FAM81A: variants seen among roughly 807,000 people sequenced by gnomAD.
The protein encoded by FAM81A is family with sequence similarity 81 member A.
In FAM81A, 19 loss-of-function variants were observed where a neutral mutation model predicts 46.7. That is an observed-to-expected ratio of 0.41 (90% CI 0.28 to 0.60). The LOEUF is 0.60. Ranked by LOEUF, FAM81A falls within the 20% of genes least tolerant of loss-of-function variation. FAM81A has a pLI of 0.34. For missense variants in FAM81A, 377 were observed against 453.5 expected (o/e 0.83, Z 1.53); for synonymous variants, 183 against 152.9 (o/e 1.20, Z -1.45).
upstream of FAM81A, among the ~76,000 whole-genome samples, chr15:59,433,430 A>G (rs1003286824): frequency 5.3e-5 from 8 of 152,164 alleles, no homozygotes; most frequent in African/African-American, 1.9e-4. Context: ...TATTAAAAGG[A>G]TCTTCTCAAT....
intron 1 of FAM81A, among the ~76,000 whole-genome samples, chr15:59,441,623 C>G (rs2141585849): frequency 6.6e-6 from 1 of 152,356 alleles, no homozygotes; most frequent in South Asian, 2.1e-4. Context: ...AGGGCTCTGG[C>G]ATAGGTGTCC....
At chr15:59,456,270 G>A (rs1158599824) in intron 1 of FAM81A, among the ~76,000 whole-genome samples, 1 of 152,064 alleles carries the variant, frequency 6.6e-6, no homozygotes, top group African/African-American at 2.4e-5. Flanking sequence ...ATCCAAGGAC[G>A]GTGGTGGATG....
chr15:59,510,036 A>G (rs554044712), intron 6 of FAM81A, among the ~76,000 whole-genome samples: 1 of 152,206 alleles, frequency 6.6e-6, no homozygotes, highest in Non-Finnish European at 1.5e-5. Flanking sequence ...GCAGACAAGC[A>G]TACAGAATTG....
At chr15:59,443,157 A>G (rs947895608) in intron 1 of FAM81A, among the ~76,000 whole-genome samples, 4 of 152,210 alleles carry the variant, frequency 2.6e-5, no homozygotes, top group Admixed American at 2.6e-4. Flanking sequence ...ATCTCGGCTC[A>G]CTGCAGCCTC....
chr15:59,411,987 GAAAC>G (rs1305703242), intron 2 of FAM81A, among the ~76,000 whole-genome samples: 6 of 135,554 alleles, frequency 4.4e-5, no homozygotes, highest in African/African-American at 1.7e-4. Flanking sequence ...GGCAGAAAAA[GAAAC>G]AAACAAAAAA....
intron 8 of FAM81A, among the ~76,000 whole-genome samples, chr15:59,519,413 T>C (rs567606844): frequency 3.0e-4 from 46 of 152,074 alleles, no homozygotes; most frequent in East Asian, 5.8e-4. Context: ...GGTCTCAAAC[T>C]ACTGACCTCA....
intron 2 of FAM81A, among the ~76,000 whole-genome samples, chr15:59,417,850 C>T (rs1419875749): frequency 6.6e-6 from 1 of 151,786 alleles, no homozygotes; most frequent in Non-Finnish European, 1.5e-5. Flanking sequence ...TATACATGTG[C>T]CCTGTTGGTG....
chr15:59,485,915 A>G (rs2081911896), intron 3 of FAM81A, among the ~76,000 whole-genome samples: 2 of 152,196 alleles, frequency 1.3e-5, no homozygotes, highest in South Asian at 2.1e-4. Context: ...GCAGCGGCTC[A>G]TGCCTGTAAT....
chr15:59,448,658 A>AT (rs1567047491), intron 1 of FAM81A, among the ~76,000 whole-genome samples: 1 of 151,138 alleles, frequency 6.6e-6, no homozygotes, highest in East Asian at 1.9e-4. Flanking sequence ...CTTAGCTGTT[A>AT]TTTTTTGTTT....
Position 59,496,779 on chromosome 15 carries a change from C to CT in FAM81A, c.413+4398dup, listed in dbSNP as rs1365774041. Among the ~76,000 whole-genome samples the CT allele has an allele frequency of 1.1e-4, 16 of 151,894 alleles. No homozygotes were observed. The South Asian group carries it at 2.9e-3, about 28-fold the overall frequency. On this transcript the variant is annotated intron_variant, in intron 4 of 8. Coordinates refer to ENST00000288228, the MANE Select transcript of FAM81A (RefSeq NM_152450.3). The stretch of plus-strand genomic sequence containing the variant: ...GAAGTGTGAGTCCTCCAACTTCATC[C>CT]TTTTTTTTCAAGATTGTGTTAGCTG...
intron 2 of FAM81A, among the ~76,000 whole-genome samples, chr15:59,432,992 A>G (rs185738825): frequency 0.018 from 2,678 of 150,602 alleles, 69 homozygotes; most frequent in African/African-American, 0.062. Flanking sequence ...AATACAAAAA[A>G]TTAGCTGGGC....
intron 3 of FAM81A, among the ~76,000 whole-genome samples, chr15:59,488,207 AT>A (rs1356447699): frequency 2.0e-5 from 3 of 152,228 alleles, no homozygotes; most frequent in African/African-American, 7.2e-5. Context: ...AAAGCATTGG[AT>A]AAAATTCAAC....
At position 59,523,221 on chromosome 15, in the gene FAM81A, C is replaced by G. The variant is rs2082344367; in HGVS notation, c.*1843C>G. On this transcript the variant is annotated 3_prime_UTR_variant, in exon 9 of 9. Coordinates refer to ENST00000288228, the MANE Select transcript of FAM81A (RefSeq NM_152450.3). ...AGGTGACACTTGGCTGTCAGCTGAG[C>G]TTCTCAGGTGCTTCTGACATTGCCA... The G allele has an allele frequency of 6.6e-6, 1 of 152,268 alleles. No individual in the cohort carries two copies. The highest frequency in any genetic ancestry group is 1.5e-5 in the Non-Finnish European group (1 of 68,060). The allele number at this position is 152,268 out of a possible 1,614,324, so 9.4% of individuals were successfully genotyped here. A position where few individuals can be genotyped will look rare whatever the true frequency, so the allele number is the denominator to read the frequency against.
intron 3 of FAM81A, among the ~76,000 whole-genome samples, chr15:59,480,240 T>C (rs1170794871): frequency 1.3e-5 from 2 of 152,218 alleles, no homozygotes; most frequent in East Asian, 3.8e-4. Flanking sequence ...TCTGCTGTAG[T>C]TGGGCCTTTC....
At chr15:59,401,370 A>C in intron 1 of FAM81A, 1 of 788,792 alleles carries the variant, frequency 1.3e-6, no homozygotes, top group Admixed American at 1.7e-5. Flanking sequence ...ATAACACCCA[A>C]AGTTGTATAC....
At chr15:59,470,461 A>G (rs1472441970) in intron 3 of FAM81A, among the ~76,000 whole-genome samples, 2 of 152,092 alleles carry the variant, frequency 1.3e-5, no homozygotes, top group Non-Finnish European at 1.5e-5. Context: ...TTTTGTCTTC[A>G]ATCACTGATA....
intron 1 of FAM81A, among the ~76,000 whole-genome samples, chr15:59,440,902 T>C (rs1437238824): frequency 1.3e-5 from 2 of 152,182 alleles, no homozygotes; most frequent in African/African-American, 2.4e-5. Flanking sequence ...TGCCTGCTTA[T>C]TCTTCTCCCA....
At chr15:59,456,750 A>G (rs2081489935) in intron 1 of FAM81A, among the ~76,000 whole-genome samples, 1 of 151,760 alleles carries the variant, frequency 6.6e-6, no homozygotes, top group Non-Finnish European at 1.5e-5. Flanking sequence ...TAATTTTTGT[A>G]TTTTTTGTAG....
chr15:59,494,996 C>T (rs1428852374), intron 4 of FAM81A, among the ~76,000 whole-genome samples: 6 of 152,174 alleles, frequency 3.9e-5, no homozygotes, highest in Admixed American at 2.6e-4. Context: ...AGGCCCGATA[C>T]ATAGCCTCCT....
Sources: allele counts gnomAD v4.1 joint callset (sites outside exome capture counted in the v4.1 genomes callset), GRCh38; gene constraint gnomAD v4.1.1; transcripts MANE v1.5; gene names NCBI Gene and HGNC (gene_info 2026-07-23, HGNC 2026-07-21).